Variants in GFRA1 observed in about 807,000 individuals in gnomAD.
GFRA1 encodes the protein GDNF family receptor alpha 1.
GFRA1 carries 16 observed loss-of-function variants against 51.6 expected under a neutral mutation model. The observed-to-expected ratio is 0.31, with a 90% confidence interval of 0.21 to 0.47. The LOEUF (loss-of-function observed/expected upper bound fraction) is 0.47. Among genes scored for constraint, GFRA1 ranks in the 20% least tolerant of loss-of-function variants. The pLI, the probability that GFRA1 is intolerant of heterozygous loss-of-function variation, is 1.00. For missense variants in GFRA1, 530 were observed against 594.3 expected (o/e 0.89, Z 1.13); for synonymous variants, 270 against 241.3 (o/e 1.12, Z -1.10).
chr10:116,218,232 C>T (rs1965693388), intron 4 of GFRA1, among the ~76,000 whole-genome samples: 1 of 152,118 alleles, frequency 6.6e-6, no homozygotes, highest in South Asian at 2.1e-4. Context: ...CTGGACCTGC[C>T]TTCGTTTCTC....
intron 4 of GFRA1, among the ~76,000 whole-genome samples, chr10:116,225,623 T>A (rs958468033): frequency 7.3e-5 from 11 of 149,696 alleles, no homozygotes; most frequent in Non-Finnish European, 1.5e-4. Context: ...GGAGTCTTGC[T>A]CTATTGTCCA....
intron 4 of GFRA1, among the ~76,000 whole-genome samples, chr10:116,218,637 G>A (rs1263881662): frequency 3.3e-5 from 5 of 152,202 alleles, no homozygotes; most frequent in Admixed American, 6.5e-5. Flanking sequence ...CAACCGTGTA[G>A]CCACACGGCC....
intron 9 of GFRA1, among the ~76,000 whole-genome samples, chr10:116,086,173 T>C (rs1440227415): frequency 6.6e-6 from 1 of 151,994 alleles, no homozygotes; most frequent in Non-Finnish European, 1.5e-5. Context: ...CTGTGAGGAG[T>C]GCAGAGGGCA....
chr10:116,096,891 A>C, intron 6 of GFRA1, 127 bp from the exon 7 acceptor site: 1 of 678,340 alleles, frequency 1.5e-6, no homozygotes, highest in Non-Finnish European at 2.7e-6. Flanking sequence ...GCACACACAC[A>C]CACACACACA....
chr10:116,080,743 A>G lies in GFRA1; in HGVS notation c.1197+8998T>C, dbSNP rs76254336. On this transcript the variant is annotated intron_variant, in intron 9 of 10. Transcript: ENST00000355422. Reference sequence around the variant, plus strand: ...CTCAGGATTAGGTCAGGTTACCACAAAGACCAACCATGGGTCACAGGGTTG... The same window carrying G: ...CTCAGGATTAGGTCAGGTTACCACAGAGACCAACCATGGGTCACAGGGTTG... 8.0e-3 allele frequency among the ~76,000 whole-genome samples: 1,222 copies of G among 152,220 alleles called. 15 individuals are homozygous for G. Among genetic ancestry groups the G allele is most frequent in the African/African-American group, 0.028 (1,179 of 41,534 alleles).
At chr10:116,111,893 G>C (rs1957227831) in intron 6 of GFRA1, among the ~76,000 whole-genome samples, 1 of 152,162 alleles carries the variant, frequency 6.6e-6, no homozygotes, top group African/African-American at 2.4e-5. Flanking sequence ...CCACGAGGCT[G>C]GGCTGGCACA....
At chr10:116,123,859 T>C (rs187630861) in intron 6 of GFRA1, among the ~76,000 whole-genome samples, 1 of 152,182 alleles carries the variant, frequency 6.6e-6, no homozygotes, top group Admixed American at 6.5e-5. Flanking sequence ...GAAGGGTAAC[T>C]TTATCTTTTC....
chr10:116,118,862 C>G (rs3781520), intron 6 of GFRA1, among the ~76,000 whole-genome samples: 2 of 152,110 alleles, frequency 1.3e-5, no homozygotes, highest in East Asian at 3.9e-4. Flanking sequence ...AGACCCTGAG[C>G]TTGGGCAGAT....
chr10:116,248,527 A>G (rs558199519), intron 4 of GFRA1, among the ~76,000 whole-genome samples: 49 of 152,270 alleles, frequency 3.2e-4, no homozygotes, highest in African/African-American at 9.4e-4. Flanking sequence ...TCCAGTTCCA[A>G]AGTGCTAGGG....
intron 5 of GFRA1, among the ~76,000 whole-genome samples, chr10:116,148,076 A>ATGCGTGTGTGCG (rs1202395838): frequency 3.2e-5 from 1 of 31,570 alleles, no homozygotes; most frequent in Non-Finnish European, 7.3e-5. Flanking sequence ...GCGTGTGTGC[A>ATGCGTGTGTGCG]TGTGTGTGTG....
At chr10:116,070,000 C>T (rs929248032) in intron 9 of GFRA1, among the ~76,000 whole-genome samples, 3 of 152,092 alleles carry the variant, frequency 2.0e-5, no homozygotes, top group Admixed American at 1.3e-4. Flanking sequence ...TTTAGGCAGC[C>T]GTCAGCCAGC....
chr10:116,253,552 G>A (rs1381974191), intron 4 of GFRA1, among the ~76,000 whole-genome samples: 2 of 151,928 alleles, frequency 1.3e-5, no homozygotes, highest in African/African-American at 4.8e-5. Flanking sequence ...AGGTTGCAGT[G>A]AGCCAAGATC....
Position 116,057,989 on chromosome 10 carries a change from A to AT in GFRA1, c.*6408dup, listed in dbSNP as rs1353019394. The AT allele has an allele frequency of 1.1e-5, 1 of 94,126 alleles. No individual in the cohort carries two copies. The highest frequency in any genetic ancestry group is 2.1e-5 in the Non-Finnish European group (1 of 47,196). The allele number at this position is 94,126 out of a possible 1,614,324, so 5.8% of individuals were successfully genotyped here. Reference sequence around the variant, plus strand: ...TGCTGGATCATATAGCCCTCCAATCATTGTGTGTGTGTGTGTGTGTGTGTG... The same window carrying AT: ...TGCTGGATCATATAGCCCTCCAATCATTTGTGTGTGTGTGTGTGTGTGTGTG... On this transcript the variant is annotated 3_prime_UTR_variant, in exon 11 of 11. Coordinates refer to ENST00000355422, the MANE Select transcript of GFRA1 (RefSeq NM_005264.8).
chr10:116,075,784 A>G (rs1022834222), intron 9 of GFRA1, among the ~76,000 whole-genome samples: 6 of 151,834 alleles, frequency 4.0e-5, no homozygotes, highest in African/African-American at 1.5e-4. Context: ...TTGCTCTTTC[A>G]CCCAGGCTGG....
rs1469959731 is a variant in GFRA1, at chr10:116,064,254, A to AG, written c.*143dup. 2.9e-5 allele frequency: 21 copies of AG among 729,418 alleles called. No individual in the cohort carries two copies. The highest frequency in any genetic ancestry group is 2.3e-4 in the African/African-American group (13 of 55,716). The allele number at this position is 729,418 out of a possible 1,614,324, so 45.2% of individuals were successfully genotyped here. A position where few individuals can be genotyped will look rare whatever the true frequency, so the allele number is the denominator to read the frequency against. On this transcript the variant is annotated 3_prime_UTR_variant, in exon 11 of 11. Transcript: ENST00000355422. ...AAGGATCACAAGAAGCTTTCTTAAA[A>AG]GGAAAAAAAAAAAATGTTCCAGTTG...
At chr10:116,078,291 T>G (rs1351542403) in intron 9 of GFRA1, among the ~76,000 whole-genome samples, 1 of 152,200 alleles carries the variant, frequency 6.6e-6, no homozygotes, top group African/African-American at 2.4e-5. Context: ...AAGCAGTTAT[T>G]ATAAAAGGTG....
intron 4 of GFRA1, among the ~76,000 whole-genome samples, chr10:116,215,917 T>C (rs1965529518): frequency 6.6e-6 from 1 of 152,148 alleles, no homozygotes; most frequent in Non-Finnish European, 1.5e-5. Flanking sequence ...ATTCTGGTCC[T>C]ATAGATAGAT....
At chr10:116,210,683 G>C (rs1965124544) in intron 5 of GFRA1, among the ~76,000 whole-genome samples, 2 of 152,196 alleles carry the variant, frequency 1.3e-5, no homozygotes, top group Admixed American at 1.3e-4. Context: ...CACGCTGCCT[G>C]TTTGGGGTGA....
intron 8 of GFRA1, 77 bp downstream of exon 8, chr10:116,093,625 A>C: frequency 1.5e-6 from 2 of 1,292,320 alleles, no homozygotes; most frequent in Non-Finnish European, 2.2e-6. Flanking sequence ...GTACAGGCAC[A>C]AGGTACAAGA....
Sources: allele counts gnomAD v4.1 joint callset (sites outside exome capture counted in the v4.1 genomes callset), GRCh38; gene constraint gnomAD v4.1.1; transcripts MANE v1.5; gene names NCBI Gene and HGNC (gene_info 2026-07-23, HGNC 2026-07-21).